The following ZNF431 variants were observed in gnomAD, a reference collection of about 807,000 sequenced individuals.
The protein encoded by ZNF431 is zinc finger protein 431.
ZNF431 carries 34 observed loss-of-function variants against 57.0 expected under a neutral mutation model. The observed-to-expected ratio is 0.60, with a 90% CI of 0.45 to 0.79. The LOEUF (loss-of-function observed/expected upper bound fraction) is 0.79, where lower values mean the gene tolerates loss of function less well. Ranked by LOEUF, ZNF431 falls within the 30% of genes least tolerant of loss-of-function variation. The pLI is 0.00. For synonymous variants in ZNF431, 207 were observed against 220.3 expected (o/e 0.94, Z 0.54); for missense variants, 607 against 667.1 (o/e 0.91, Z 0.99).
intron 4 of ZNF431, among the ~76,000 whole-genome samples, chr19:21,172,147 G>A (rs887935229): frequency 6.0e-5 from 9 of 150,808 alleles, no homozygotes; most frequent in Non-Finnish European, 1.3e-4. Context: ...AAACATAACA[G>A]GCCAGTCACG....
At chr19:21,159,419 C>G (rs1244971613) in intron 2 of ZNF431, among the ~76,000 whole-genome samples, 3 of 152,060 alleles carry the variant, frequency 2.0e-5, no homozygotes, top group Non-Finnish European at 4.4e-5. Flanking sequence ...TGTTGCCAGG[C>G]TGGAGTGCAG....
chr19:21,183,226 T>C lies in ZNF431; in HGVS notation c.923T>C (p.Ile308Thr). 1 of 1,610,652 alleles carries C rather than the reference T, an allele frequency of 6.2e-7. No individual in the cohort carries two copies. Among genetic ancestry groups the C allele is most frequent in the Non-Finnish European group, 8.5e-7 (1 of 1,179,046 alleles). The change falls in exon 5 of 5, where the codon ATA becomes ACA. Residue 308 changes from isoleucine to threonine, a missense_variant. By Grantham distance (89) the Ile-to-Thr change is moderately conservative (BLOSUM62 -1). Transcript: ENST00000311048. ...TCCTCACACCTTACTACACATAAGA[T>C]AATTCATACTGGAGAGAAGCCCTAC... is the stretch of plus-strand genomic sequence containing the variant. ...NRSSHLTTHKIIHTGEKPYKC... is the reference protein window; with the variant it reads ...NRSSHLTTHKTIHTGEKPYKC...
At position 21,190,801 on chromosome 19, in the gene ZNF431, A is replaced by C. The variant is rs1971494938; in HGVS notation, c.*6767A>C. 2 of 152,016 alleles carry C rather than the reference A, an allele frequency of 1.3e-5. No individual in the cohort carries two copies. Among genetic ancestry groups the C allele is most frequent in the East Asian group, 3.9e-4 (2 of 5,136 alleles). The allele number at this position is 152,016 out of a possible 1,614,324, so 9.4% of individuals were successfully genotyped here. On this transcript the variant is annotated 3_prime_UTR_variant, in exon 5 of 5. Coordinates refer to ENST00000311048, the MANE Select transcript of ZNF431 (RefSeq NM_133473.4). Reference sequence around the variant, plus strand: ...CTCAGCCTCTCAAGTAGCTGGGATTACAGGCAAATGCCACTGCGCCCAGCT... The same window carrying C: ...CTCAGCCTCTCAAGTAGCTGGGATTCCAGGCAAATGCCACTGCGCCCAGCT...
At chr19:21,171,533 A>G (rs533424513) in intron 4 of ZNF431, among the ~76,000 whole-genome samples, 55 of 151,820 alleles carry the variant, frequency 3.6e-4, no homozygotes, top group Non-Finnish European at 6.5e-4. Flanking sequence ...CGATCAGATT[A>G]TATGTGTGTG....
intron 3 of ZNF431, among the ~76,000 whole-genome samples, chr19:21,167,059 C>T (rs2358806): frequency 0.93 from 141,924 of 152,192 alleles, 66,418 homozygotes; most frequent in Middle Eastern, 0.99. Context: ...TGTTTCACCA[C>T]GTTGGCCAGG....
At position 21,191,147 on chromosome 19, in the gene ZNF431, T is replaced by A. The variant is rs1022156785; in HGVS notation, c.*7113T>A. On this transcript the variant is annotated 3_prime_UTR_variant, in exon 5 of 5. Coordinates refer to ENST00000311048, the MANE Select transcript of ZNF431 (RefSeq NM_133473.4). ...TTATTTTTCCTTTTGTGTCCTGGGA[T>A]GTTTAGGTTAAATCAAAAAACTTGC... is the stretch of plus-strand genomic sequence containing the variant. The A allele has an allele frequency of 6.6e-6, 1 of 152,068 alleles. No homozygotes were observed. Among genetic ancestry groups the A allele is most frequent in the Non-Finnish European group, 1.5e-5 (1 of 68,030 alleles). The allele number at this position is 152,068 out of a possible 1,614,324, so 9.4% of individuals were successfully genotyped here.
At chr19:21,166,129 T>C (rs1970713287) in intron 2 of ZNF431, among the ~76,000 whole-genome samples, 1 of 152,128 alleles carries the variant, frequency 6.6e-6, no homozygotes, top group Non-Finnish European at 1.5e-5. Flanking sequence ...GCACTGGTGT[T>C]GTGGATCTTA....
At chr19:21,154,077 GGTTA>G (rs1188504263) in intron 2 of ZNF431, among the ~76,000 whole-genome samples, 1 of 152,140 alleles carries the variant, frequency 6.6e-6, no homozygotes, top group African/African-American at 2.4e-5. Context: ...ACAACGTGCA[GGTTA>G]GTTATATAGT....
In ZNF431 at chr19:21,183,116, G is replaced by C. The variant is rs553260809; in HGVS notation, c.813G>C (p.Gln271His). The C allele has an allele frequency of 5.6e-6, 9 of 1,613,784 alleles. No individual in the cohort carries two copies. The highest frequency in any genetic ancestry group is 1.3e-5 in the African/African-American group (1 of 74,968). The change falls in exon 5 of 5, where the codon CAG becomes CAC. Residue 271 changes from glutamine to histidine, a missense_variant. Gln to His is a conservative substitution (Grantham distance 24, BLOSUM62 0). Transcript: ENST00000311048. ...AAGAATGTGGCAAAGCTTTTAAGCA[G>C]TCCTCAACCCTTACTACACATAAGA... ...KCEECGKAFKQSSTLTTHKII... is the reference protein window; with the variant it reads ...KCEECGKAFKHSSTLTTHKII...
chr19:21,148,341 C>A (rs1970166677), intron 2 of ZNF431, among the ~76,000 whole-genome samples: 1 of 152,128 alleles, frequency 6.6e-6, no homozygotes, highest in Non-Finnish European at 1.5e-5. Context: ...TAATGTTTGA[C>A]CATAAGGTAG....
chr19:21,167,768 A>G (rs956034543), intron 4 of ZNF431, 102 bp downstream of exon 4: 2 of 748,808 alleles, frequency 2.7e-6, no homozygotes, highest in African/African-American at 3.7e-5. Flanking sequence ...AAGCTGTGTT[A>G]TAAAGCATGT....
At chr19:21,174,820 G>A (rs903882086) in intron 4 of ZNF431, among the ~76,000 whole-genome samples, 2 of 152,058 alleles carry the variant, frequency 1.3e-5, no homozygotes, top group Non-Finnish European at 2.9e-5. Context: ...CACCCAGGCT[G>A]GAGAGCAATG....
chr19:21,180,656 A>T (rs905401730), intron 4 of ZNF431, among the ~76,000 whole-genome samples: 1 of 152,188 alleles, frequency 6.6e-6, no homozygotes, highest in African/African-American at 2.4e-5. Flanking sequence ...TCTGGTAAAA[A>T]ATGAACTTCA....
intron 2 of ZNF431, among the ~76,000 whole-genome samples, chr19:21,148,928 T>C (rs1970187644): frequency 6.6e-6 from 1 of 152,320 alleles, no homozygotes; most frequent in East Asian, 1.9e-4. Flanking sequence ...TGAACAGTCA[T>C]AGTGGCATTT....
intron 2 of ZNF431, among the ~76,000 whole-genome samples, chr19:21,157,387 C>T (rs935973300): frequency 3.3e-5 from 5 of 152,070 alleles, no homozygotes; most frequent in Admixed American, 1.3e-4. Flanking sequence ...TACAGCCATT[C>T]TGATTGGTGT....
chr19:21,170,725 G>A (rs1006905286), intron 4 of ZNF431, among the ~76,000 whole-genome samples: 46 of 151,130 alleles, frequency 3.0e-4, no homozygotes, highest in African/African-American at 1.0e-3. Flanking sequence ...CCAGGCTGGA[G>A]TGCAGTGGCA....
In ZNF431 at chr19:21,163,169, A is replaced by ATGTTAAT. The variant is rs1325063792; in HGVS notation, c.97-3166_97-3165insTGTTAAT. On this transcript the variant is annotated intron_variant, in intron 2 of 4. Coordinates refer to ENST00000311048, the MANE Select transcript of ZNF431 (RefSeq NM_133473.4). ...TGTAACATACTCTTGAGCAGATAGT[A>ATGTTAAT]CCTGCTTAATAAACATTGCATTATT... Among the ~76,000 whole-genome samples, 755 of 152,364 alleles carry ATGTTAAT rather than the reference A, an allele frequency of 5.0e-3. 8 individuals carry two copies. Among genetic ancestry groups the ATGTTAAT allele is most frequent in the African/African-American group, 0.018 (734 of 41,580 alleles).
rs1971568618 is a variant in ZNF431, at chr19:21,194,450, T to G, written c.*10416T>G. On this transcript the variant is annotated 3_prime_UTR_variant, in exon 5 of 5. Coordinates refer to ENST00000311048, the MANE Select transcript of ZNF431 (RefSeq NM_133473.4). Reference sequence around the variant, plus strand: ...GAGCAGCCTACAAAATAAGTTTTTGTTTTTTTATCAAAATGTCGATTACTT... The same window carrying G: ...GAGCAGCCTACAAAATAAGTTTTTGGTTTTTTATCAAAATGTCGATTACTT... 1 of 152,234 alleles carries G rather than the reference T, an allele frequency of 6.6e-6. No individual in the cohort carries two copies. Among genetic ancestry groups the G allele is most frequent in the East Asian group, 1.9e-4 (1 of 5,180 alleles). 9.4% of individuals were successfully genotyped at this position (152,234 alleles called of 1,614,324 possible). A position where few individuals can be genotyped will look rare whatever the true frequency, so the allele number is the denominator to read the frequency against.
rs998659765 is a variant in ZNF431 at position 21,184,884 on chromosome 19, G to A, written c.*850G>A. 4 of 152,104 alleles carry A rather than the reference G, an allele frequency of 2.6e-5. No individual in the cohort carries two copies. The highest frequency in any genetic ancestry group is 5.9e-5 in the Non-Finnish European group (4 of 68,022). The allele number at this position is 152,104 out of a possible 1,614,324, so 9.4% of individuals were successfully genotyped here. ...GTTGAACATCACAAATATAAAAAGG[G>A]TTGTAGTGCCTTTACTTGTATCACA... On this transcript the variant is annotated 3_prime_UTR_variant, in exon 5 of 5. Coordinates refer to ENST00000311048, the MANE Select transcript of ZNF431 (RefSeq NM_133473.4).
Sources: allele counts gnomAD v4.1 joint callset (sites outside exome capture counted in the v4.1 genomes callset), GRCh38; gene constraint gnomAD v4.1.1; transcripts MANE v1.5; gene names NCBI Gene and HGNC (gene_info 2026-07-23, HGNC 2026-07-21).